Variants in DACH1 observed in about 807,000 individuals in gnomAD.
DACH1 encodes the protein dachshund family transcription factor 1, also known as dachshund homolog 1.
In DACH1, 12 loss-of-function variants were observed where a neutral mutation model predicts 54.2. That is an observed-to-expected ratio of 0.22 (90% confidence interval 0.14 to 0.36). DACH1 has a LOEUF of 0.36. Ranked by LOEUF, DACH1 falls within the 10% of genes least tolerant of loss-of-function variation. The probability of loss-of-function intolerance (pLI) is 1.00; values close to 1 mark genes in which losing one functional copy is unlikely to be tolerated. For missense variants in DACH1, 805 were observed against 929.8 expected, an observed-to-expected ratio of 0.87 and a Z score of 1.75; for synonymous variants, 386 against 366.2, an observed-to-expected ratio of 1.05 and a Z score of -0.62.
At chr13:71,797,916 C>T (rs1289850055) in intron 1 of DACH1, among the ~76,000 whole-genome samples, 1 of 152,088 alleles carries the variant, frequency 6.6e-6, no homozygotes, top group Non-Finnish European at 1.5e-5. Flanking sequence ...AAATTCAGTA[C>T]TTCTGTGCAA....
chr13:71,472,456 A>G (rs1296724866), intron 10 of DACH1, among the ~76,000 whole-genome samples: 1 of 152,236 alleles, frequency 6.6e-6, no homozygotes, highest in Non-Finnish European at 1.5e-5. Context: ...TAAGTGCCCA[A>G]CTTCTAGGTG....
At chr13:71,784,436 T>C (rs1046944890) in intron 1 of DACH1, among the ~76,000 whole-genome samples, 5 of 152,110 alleles carry the variant, frequency 3.3e-5, no homozygotes, top group African/African-American at 1.2e-4. Context: ...AATTCATTAT[T>C]TTCGCTCTGA....
At chr13:71,825,411 A>G (rs1888341245) in intron 1 of DACH1, among the ~76,000 whole-genome samples, 1 of 152,094 alleles carries the variant, frequency 6.6e-6, no homozygotes, top group African/African-American at 2.4e-5. Flanking sequence ...GTTCAATTTT[A>G]TAATATGTTT....
At chr13:71,567,997 A>G (rs535692810) in intron 4 of DACH1, among the ~76,000 whole-genome samples, 2 of 152,206 alleles carry the variant, frequency 1.3e-5, no homozygotes, top group Admixed American at 6.5e-5. Context: ...GAATTCTCCA[A>G]TGACAAGAGA....
chr13:71,775,645 A>G (rs924804952), intron 1 of DACH1, among the ~76,000 whole-genome samples: 40 of 152,158 alleles, frequency 2.6e-4, no homozygotes, highest in African/African-American at 9.4e-4. Flanking sequence ...AACTGAATAT[A>G]GTTGTCACAG....
At chr13:71,779,159 G>GTATATACACATATATACACA (rs1886208931) in intron 1 of DACH1, among the ~76,000 whole-genome samples, 1 of 72,010 alleles carries the variant, frequency 1.4e-5, no homozygotes, top group African/African-American at 5.3e-5. Flanking sequence ...ACATATATAC[G>GTATATACACATATATACACA]TATATACGTA....
chr13:71,838,783 A>G (rs973951240), intron 1 of DACH1, among the ~76,000 whole-genome samples: 3 of 152,164 alleles, frequency 2.0e-5, no homozygotes, highest in South Asian at 2.1e-4. Flanking sequence ...TTGTCCTCCC[A>G]TTAGCATTGG....
At chr13:71,807,513 C>G (rs967885762) in intron 1 of DACH1, among the ~76,000 whole-genome samples, 1 of 150,378 alleles carries the variant, frequency 6.6e-6, no homozygotes, top group Non-Finnish European at 1.5e-5. Flanking sequence ...TTTCCAAACT[C>G]AGAGAGAAAA....
At chr13:71,865,798 C>G (rs1874707693) in intron 1 of DACH1, 124 bp downstream of exon 1, 1 of 1,303,930 alleles carries the variant, frequency 7.7e-7, no homozygotes. Context: ...AGGAGAGGGC[C>G]GCGCTCGCCG....
At chr13:71,672,823 T>C (rs1487021706) in intron 2 of DACH1, among the ~76,000 whole-genome samples, 1 of 152,118 alleles carries the variant, frequency 6.6e-6, no homozygotes, top group African/African-American at 2.4e-5. Flanking sequence ...ATTTCACAAA[T>C]AAATGGATAT....
chr13:71,854,717 C>T (rs1047625865), intron 1 of DACH1, among the ~76,000 whole-genome samples: 1 of 152,068 alleles, frequency 6.6e-6, no homozygotes, highest in Non-Finnish European at 1.5e-5. Flanking sequence ...ACTTTCCTTC[C>T]TTCCATCACA....
chr13:71,849,279 T>C (rs542743365), intron 1 of DACH1, among the ~76,000 whole-genome samples: 6 of 152,336 alleles, frequency 3.9e-5, no homozygotes, highest in African/African-American at 1.4e-4. Flanking sequence ...CACAACTAAC[T>C]ACTTTACACA....
intron 6 of DACH1, among the ~76,000 whole-genome samples, chr13:71,516,169 T>C (rs1328357846): frequency 2.0e-5 from 3 of 151,732 alleles, no homozygotes; most frequent in Non-Finnish European, 2.9e-5. Context: ...CTTTTTTCCA[T>C]GAGGGAATTA....
Position 71,696,193 on chromosome 13 carries a change from C to A in DACH1, c.849-14283G>T, listed in dbSNP as rs190100249. 2.6e-5 allele frequency among the ~76,000 whole-genome samples: 4 copies of A among 152,052 alleles called. No individual in the cohort carries two copies. In the East Asian group the frequency reaches 5.8e-4, roughly 22 times the overall value. On this transcript the variant is annotated intron_variant, in intron 1 of 10. Coordinates refer to ENST00000613252, the MANE Select transcript of DACH1 (RefSeq NM_080759.6). ...CCTATGTGACACACCTGCACATGTA[C>A]CCCCAAATCTAAAATGGATGTTGAA...
At chr13:71,595,487 G>C (rs926514247) in intron 3 of DACH1, among the ~76,000 whole-genome samples, 1 of 152,150 alleles carries the variant, frequency 6.6e-6, no homozygotes. Context: ...ATTCCAGCAG[G>C]TGATAATGGA....
intron 10 of DACH1, among the ~76,000 whole-genome samples, chr13:71,456,502 G>C (rs976307019): frequency 2.6e-5 from 4 of 151,972 alleles, no homozygotes; most frequent in South Asian, 4.2e-4. Context: ...GAAGCATTAT[G>C]AATTTAAGGA....
chr13:71,519,795 A>T (rs1202297253), intron 6 of DACH1, among the ~76,000 whole-genome samples: 1 of 147,832 alleles, frequency 6.8e-6, no homozygotes, highest in African/African-American at 2.5e-5. Context: ...AAAATTAATA[A>T]ATGAAATAAT....
At chr13:71,486,797 A>ATTT (rs1878543383) in intron 7 of DACH1, among the ~76,000 whole-genome samples, 1 of 25,896 alleles carries the variant, frequency 3.9e-5, no homozygotes, top group African/African-American at 5.1e-5. Flanking sequence ...TAAATTAATT[A>ATTT]ATTTATTTAT....
At chr13:71,553,654 A>G (rs972441080) in intron 6 of DACH1, among the ~76,000 whole-genome samples, 15 of 144,128 alleles carry the variant, frequency 1.0e-4, no homozygotes, top group East Asian at 7.9e-4. Context: ...TATATATAGT[A>G]TATATATATA....
Sources: gnomAD v4.1 joint callset for allele counts (sites outside exome capture counted in the v4.1 genomes callset) on GRCh38, gnomAD v4.1.1 for gene constraint, MANE v1.5 for transcripts, NCBI Gene and HGNC (gene_info 2026-07-23, HGNC 2026-07-21) for gene names.